Variants in ZBTB17 observed in about 807,000 individuals in gnomAD.
The protein encoded by ZBTB17 is zinc finger and BTB domain containing 17, also known as zinc finger and BTB domain-containing protein 17.
A neutral mutation model predicts 85.1 loss-of-function variants in ZBTB17; 24 were observed. The ratio of observed to expected loss-of-function variants is 0.28; its 90% CI spans 0.20 to 0.40. ZBTB17 has a LOEUF of 0.40. ZBTB17 is among the 10% of genes least tolerant of loss of function. ZBTB17 has a pLI of 1.00. For synonymous variants in ZBTB17, 464 were observed against 460.2 expected (o/e 1.01, Z -0.11); for missense variants, 743 against 1,105.1 (o/e 0.67, Z 4.65).
intron 9 of ZBTB17, 137 bp downstream of exon 9, chr1:15,944,163 G>T: frequency 1.5e-6 from 2 of 1,312,056 alleles, no homozygotes; most frequent in Non-Finnish European, 2.1e-6. Context: ...CTCTCGCTGC[G>T]CCTGTTTCCT....
chr1:15,957,862 G>A (rs2072107843), intron 2 of ZBTB17, among the ~76,000 whole-genome samples: 1 of 152,198 alleles, frequency 6.6e-6, no homozygotes, highest in African/African-American at 2.4e-5. Flanking sequence ...CAGTGGCGGT[G>A]CCGCTTCCTG....
Position 15,966,568 on chromosome 1 carries a change from C to T in ZBTB17, c.-3+6471G>A, listed in dbSNP as rs1226684644. On this transcript the variant is annotated intron_variant, in intron 2 of 15. Transcript: ENST00000375743. The surrounding 1 kb of genome is among the most constrained non-coding windows in gnomAD (Gnocchi z 4.1). Reference sequence around the variant, plus strand: ...AAGCCCAGCCCTACGAACCATCTCTCTTCAATTCATAACAAGCACGTTTGA... The same window carrying T: ...AAGCCCAGCCCTACGAACCATCTCTTTTCAATTCATAACAAGCACGTTTGA... Among the ~76,000 whole-genome samples the T allele has an allele frequency of 1.3e-5, 2 of 152,190 alleles. No homozygotes were observed. Among genetic ancestry groups the T allele is most frequent in the Non-Finnish European group, 2.9e-5 (2 of 68,032 alleles).
In ZBTB17 at chr1:15,942,692, C is replaced by T; in HGVS notation, c.1875G>A (p.Arg625=). 2 of 1,613,650 alleles carry T rather than the reference C, an allele frequency of 1.2e-6. No homozygotes were observed. Among genetic ancestry groups the T allele is most frequent in the South Asian group, 1.1e-5 (1 of 91,078 alleles). The change falls in exon 14 of 16, where the codon CGG becomes CGA. Residue 625 remains arginine (R), a synonymous_variant. Coordinates refer to ENST00000375743, the MANE Select transcript of ZBTB17 (RefSeq NM_003443.3). ...TCACGTGGGAGCGCAGGTTGTCTAC[C>T]CGGTTGAAGCCACGCCCACACTTAT... ...LCDKCGRGFN[R]VDNLRSHVKT... is the part of the protein sequence containing the mutation.
At chr1:15,946,419 C>T in intron 4 of ZBTB17, 125 bp from the exon 5 acceptor site, 1 of 1,425,088 alleles carries the variant, frequency 7.0e-7, no homozygotes, top group Non-Finnish European at 9.4e-7. Flanking sequence ...TAGTGGTTTG[C>T]TGATTTGTTC....
intron 2 of ZBTB17, among the ~76,000 whole-genome samples, chr1:15,959,446 A>G (rs1200763469): frequency 6.6e-6 from 1 of 150,698 alleles, no homozygotes; most frequent in African/African-American, 2.4e-5. Context: ...TAAAAAATTA[A>G]AACTGAGAAA....
chr1:15,942,624 G>A lies in ZBTB17; in HGVS notation c.1943C>T (p.Pro648Leu), dbSNP rs774223404. ...CACGCTGACCTCACTGCCCTCCTCG[G>A]GCTCCAGGATCTTGATGCCTGCCTT... ...QGKAGIKILE[P>L]EEGSEVSVVT... The change falls in exon 14 of 16, where the codon CCC becomes CTC. Residue 648 changes from proline to leucine, a missense_variant. Coordinates refer to ENST00000375743, the MANE Select transcript of ZBTB17 (RefSeq NM_003443.3). The A allele has an allele frequency of 6.2e-7, 1 of 1,613,410 alleles. No homozygotes were observed. Among genetic ancestry groups the A allele is most frequent in the Non-Finnish European group, 8.5e-7 (1 of 1,180,050 alleles).
chr1:15,969,773 T>C (rs2072575825), intron 2 of ZBTB17: 6 of 506,612 alleles, frequency 1.2e-5, no homozygotes, highest in South Asian at 7.9e-5. Flanking sequence ...TGTCAAACAA[T>C]GCGTGGACGA....
chr1:15,948,656 C>G (rs1015188008), intron 2 of ZBTB17, among the ~76,000 whole-genome samples, 159 bp from the exon 3 acceptor site: 6 of 152,234 alleles, frequency 3.9e-5, no homozygotes, highest in African/African-American at 9.6e-5. Context: ...CCAGATACCC[C>G]CTGCAAGCCA....
In ZBTB17 at chr1:15,942,126, T is replaced by G. The variant is rs1471645238; in HGVS notation, c.2255A>C (p.Asp752Ala). ...ACCTGGCCCATACTGCTGATAGAAGTCCGCGTCTGTCTGGAACATGACCAG... is the reference window on the plus strand; with the variant it reads ...ACCTGGCCCATACTGCTGATAGAAGGCCGCGTCTGTCTGGAACATGACCAG... Reference protein sequence around the residue: ...QALVMFQTDADFYQQYGPGGT... With the variant: ...QALVMFQTDAAFYQQYGPGGT... Residue 752 changes from aspartate (D) to alanine (A), a missense_variant, in exon 16 of 16, where the codon GAC becomes GCC. Physicochemically the swap from Asp to Ala is moderately radical, Grantham distance 126 (BLOSUM62 -2). Transcript: ENST00000375743. 1.2e-6 allele frequency: 2 copies of G among 1,613,286 alleles called. No homozygotes were observed. Among genetic ancestry groups the G allele is most frequent in the Non-Finnish European group, 1.7e-6 (2 of 1,180,022 alleles).
chr1:15,975,401 C>G (rs1350731095), intron 1 of ZBTB17, among the ~76,000 whole-genome samples: 1 of 152,238 alleles, frequency 6.6e-6, no homozygotes, highest in African/African-American at 2.4e-5. Context: ...ACTCCTAACT[C>G]CAGGATCGAG....
Position 15,971,540 on chromosome 1 carries a change from TACAC to T in ZBTB17, c.-3+1495_-3+1498del, listed in dbSNP as rs1177538937. Among the ~76,000 whole-genome samples, 4 of 141,236 alleles carry T rather than the reference TACAC, an allele frequency of 2.8e-5. No individual in the cohort carries two copies. The East Asian group carries it at 6.0e-4, about 21-fold the overall frequency. 92.7% of individuals were successfully genotyped at this position (141,236 alleles called of 152,430 possible). ...TATATATACACACACACTATATATA[TACAC>T]ACACACTATATATATACACACACAC... On this transcript the variant is annotated intron_variant, in intron 2 of 15. Coordinates refer to ENST00000375743, the MANE Select transcript of ZBTB17 (RefSeq NM_003443.3).
rs1557768295 is a variant in ZBTB17, at chr1:15,942,169, T to C, written c.2212A>G (p.Ile738Val). ...DANSLAQHVR[I>V]HTAQALVMFQ... is the part of the protein sequence containing the mutation. The stretch of plus-strand genomic sequence containing the variant: ...ATGACCAGTGCCTGGGCTGTGTGGA[T>C]TCGCACATGCTGAGCCAGGCTGTTG... The change falls in exon 16 of 16, where the codon ATC (isoleucine) becomes GTC (valine). Residue 738 changes from isoleucine to valine, a missense_variant. By Grantham distance (29) the Ile-to-Val change is conservative. Coordinates refer to ENST00000375743, the MANE Select transcript of ZBTB17 (RefSeq NM_003443.3). The C allele has an allele frequency of 3.1e-6, 5 of 1,613,624 alleles. No homozygotes were observed. The highest frequency in any genetic ancestry group is 3.4e-6 in the Non-Finnish European group (4 of 1,180,046).
intron 9 of ZBTB17, 120 bp from the exon 10 acceptor site, chr1:15,944,015 T>C (rs1487767849): frequency 9.2e-7 from 1 of 1,092,032 alleles, no homozygotes; most frequent in Non-Finnish European, 1.4e-6. Flanking sequence ...TGAAGGGCTC[T>C]ATCTCTCCTG....
At chr1:15,971,392 T>TACACAATATATATATAC (rs1557799333) in intron 2 of ZBTB17, among the ~76,000 whole-genome samples, 1 of 147,496 alleles carries the variant, frequency 6.8e-6, no homozygotes, top group African/African-American at 2.5e-5. Flanking sequence ...TATATATATA[T>TACACAATATATATATAC]ACACACTATA....
Position 15,948,487 on chromosome 1 carries a change from A to T in ZBTB17, c.9T>A (p.Phe3Leu), listed in dbSNP as rs759119828. 1.2e-6 allele frequency: 2 copies of T among 1,613,614 alleles called. No individual in the cohort carries two copies. The highest frequency in any genetic ancestry group is 1.7e-6 in the Non-Finnish European group (2 of 1,179,740). The change falls in exon 3 of 16, where the codon TTT becomes TTA. Residue 3 changes from phenylalanine to leucine, a missense_variant. Transcript: ENST00000375743. ...CCAAGACATGCTGGCTGTGCTGGGG[A>T]AAGTCCATGGCTGAAGAAAGCCAAA... MD[F>L]PQHSQHVLEQ...
At position 15,973,601 on chromosome 1, in the gene ZBTB17, A is replaced by T. The variant is rs1445697903; in HGVS notation, c.-89-476T>A. ...AACTCCAACATGTTCAAAACTAAACATATCTGCCCTCCCCCAGATCTGCTC... is the reference window on the plus strand; with the variant it reads ...AACTCCAACATGTTCAAAACTAAACTTATCTGCCCTCCCCCAGATCTGCTC... On this transcript the variant is annotated intron_variant, in intron 1 of 15. Transcript: ENST00000375743. The surrounding 1 kb of genome is among the most constrained non-coding windows in gnomAD (Gnocchi z 4.1). Among the ~76,000 whole-genome samples the T allele has an allele frequency of 6.6e-6, 1 of 152,094 alleles. No homozygotes were observed. The highest frequency in any genetic ancestry group is 1.5e-5 in the Non-Finnish European group (1 of 68,018).
intron 9 of ZBTB17, 104 bp from the exon 10 acceptor site, chr1:15,943,999 G>A: frequency 6.8e-6 from 8 of 1,180,218 alleles, no homozygotes; most frequent in African/African-American, 1.5e-5. Flanking sequence ...GGCTTGCCAG[G>A]GTCCGTGAAG....
chr1:15,974,965 C>T (rs777135717), intron 1 of ZBTB17, among the ~76,000 whole-genome samples: 1 of 152,214 alleles, frequency 6.6e-6, no homozygotes, highest in South Asian at 2.1e-4. Context: ...TGGGAATACC[C>T]GTTTTCCTGC....
Position 15,942,401 on chromosome 1 carries a change from T to C in ZBTB17, c.2058A>G (p.Ala686=). 1.2e-6 allele frequency: 2 copies of C among 1,613,548 alleles called. No individual in the cohort carries two copies. The highest frequency in any genetic ancestry group is 1.7e-6 in the Non-Finnish European group (2 of 1,180,006). ...GGACTTCCGTCTCATCGGCTGTCAC[T>C]GCAGCTCCCACCGGCACCACTGCGG... The part of the protein sequence containing the change: ...TQLTVVPVGA[A]VTADETEVLK... The change falls in exon 15 of 16, where the codon GCA becomes GCG. Residue 686 remains alanine, a synonymous_variant. Coordinates refer to ENST00000375743, the MANE Select transcript of ZBTB17 (RefSeq NM_003443.3).
Sources: gnomAD v4.1 joint callset for allele counts (sites outside exome capture counted in the v4.1 genomes callset) on GRCh38, gnomAD v4.1.1 for gene constraint, Gnocchi (gnomAD v3.1) non-coding constraint, MANE v1.5 for transcripts, NCBI Gene and HGNC (gene_info 2026-07-23, HGNC 2026-07-21) for gene names.